The following MRPS31 variants were observed in gnomAD, a reference collection of about 807,000 sequenced individuals.
MRPS31 encodes the protein mitochondrial ribosomal protein S31.
MRPS31 carries 32 observed loss-of-function variants against 43.1 expected under a neutral mutation model. The observed-to-expected ratio is 0.74, with a 90% CI of 0.56 to 1.00. MRPS31 has a LOEUF of 1.00. MRPS31 is among the 50% of genes least tolerant of loss of function. The pLI is 0.00. For synonymous variants in MRPS31, 165 were observed against 161.6 expected (o/e 1.02, Z -0.16); for missense variants, 437 against 466.7 (o/e 0.94, Z 0.59).
chr13:40,733,171 T>G (rs1879758922), intron 6 of MRPS31, among the ~76,000 whole-genome samples: 1 of 151,952 alleles, frequency 6.6e-6, no homozygotes, highest in South Asian at 2.1e-4. Flanking sequence ...GCCCAGCTAA[T>G]TTTTGTATTT....
At chr13:40,750,539 TTAA>T (rs1427839821) in intron 5 of MRPS31, among the ~76,000 whole-genome samples, 1 of 152,044 alleles carries the variant, frequency 6.6e-6, no homozygotes, top group East Asian at 1.9e-4. Flanking sequence ...AAATTACAAC[TTAA>T]TAAAGTTGTA....
intron 6 of MRPS31, 143 bp downstream of exon 6, chr13:40,748,995 C>A: frequency 1.4e-6 from 1 of 735,714 alleles, no homozygotes; most frequent in South Asian, 3.0e-5. Context: ...TTTAAAAAAC[C>A]TTGTCAGATT....
Position 40,732,142 on chromosome 13 carries a change from T to C in MRPS31, c.959-2541A>G, listed in dbSNP as rs117544120. On this transcript the variant is annotated intron_variant, in intron 6 of 6. Coordinates refer to ENST00000323563, the MANE Select transcript of MRPS31 (RefSeq NM_005830.4). ...AGGCCTGTAGCCTCAAGTCAAGCGG[T>C]TGGAAGATTTCTCATTGGAGAAACT... Among the ~76,000 whole-genome samples the C allele has an allele frequency of 7.1e-3, 1,080 of 152,314 alleles. 74 individuals carry two copies. In the East Asian group the frequency reaches 0.17, roughly 23 times the overall value.
chr13:40,758,863 T>G (rs764150755), intron 3 of MRPS31, 85 bp downstream of exon 3: 3 of 1,212,554 alleles, frequency 2.5e-6, no homozygotes, highest in Non-Finnish European at 3.2e-6. Flanking sequence ...ACGTGGTATA[T>G]ATTATGTGTA....
chr13:40,751,682 G>A (rs1449469548), intron 5 of MRPS31, among the ~76,000 whole-genome samples: 1 of 152,124 alleles, frequency 6.6e-6, no homozygotes, highest in Non-Finnish European at 1.5e-5. Flanking sequence ...TCAGGTGGTG[G>A]GAAAACAACA....
chr13:40,756,790 A>G, intron 4 of MRPS31, 83 bp downstream of exon 4: 1 of 1,442,486 alleles, frequency 6.9e-7, no homozygotes, highest in African/African-American at 1.4e-5. Flanking sequence ...GCAATAATAC[A>G]CACACACACA....
intron 1 of MRPS31, among the ~76,000 whole-genome samples, chr13:40,769,421 T>TATAG (rs10684050): frequency 1.4e-4 from 17 of 120,152 alleles, no homozygotes; most frequent in African/African-American, 3.1e-4. Flanking sequence ...TATATATATA[T>TATAG]TATCAAGTTC....
At chr13:40,744,040 G>A (rs1346047108) in intron 6 of MRPS31, among the ~76,000 whole-genome samples, 1 of 152,142 alleles carries the variant, frequency 6.6e-6, no homozygotes, top group Non-Finnish European at 1.5e-5. Context: ...TGAGGTCATG[G>A]CCTTTGCTGC....
rs1158695136 is a variant in MRPS31 at position 40,729,547 on chromosome 13, A to C, written c.1013T>G (p.Leu338Arg). The change falls in exon 7 of 7, where the codon CTG becomes CGG. Residue 338 changes from leucine to arginine, a missense_variant. Transcript: ENST00000323563. ...TGGTCCTTGTTTTGGAAAGCTCTCC[A>C]GGTGTTTCTCCAGAAATATATGTTC... ...FHEHIFLEKH[L>R]ESFPKQGPIR... 1 of 1,613,994 alleles carries C rather than the reference A, an allele frequency of 6.2e-7. No individual in the cohort carries two copies. The highest frequency in any genetic ancestry group is 1.3e-5 in the African/African-American group (1 of 74,928).
chr13:40,734,917 G>A (rs1429569148), intron 6 of MRPS31, among the ~76,000 whole-genome samples: 1 of 152,116 alleles, frequency 6.6e-6, no homozygotes, highest in South Asian at 2.1e-4. Flanking sequence ...AATAACGCTA[G>A]GCGGGGGAGG....
rs567348340 is a variant in MRPS31, at chr13:40,737,826, G to C, written c.959-8225C>G. 2.7e-3 allele frequency among the ~76,000 whole-genome samples: 405 copies of C among 151,850 alleles called. 3 individuals carry two copies. Among genetic ancestry groups the C allele is most frequent in the African/African-American group, 8.7e-3 (358 of 41,358 alleles). Reference sequence around the variant, plus strand: ...AATTTATAGCACTAAATGCCCACAAGAGAAAGCAGGAAAGATCCAAAATTG... The same window carrying C: ...AATTTATAGCACTAAATGCCCACAACAGAAAGCAGGAAAGATCCAAAATTG... On this transcript the variant is annotated intron_variant, in intron 6 of 6. Transcript: ENST00000323563.
intron 6 of MRPS31, among the ~76,000 whole-genome samples, chr13:40,735,741 T>A (rs1879881456): frequency 6.6e-6 from 1 of 150,824 alleles, no homozygotes; most frequent in Non-Finnish European, 1.5e-5. Flanking sequence ...GAAGGAAAAC[T>A]AACAAACAGA....
At chr13:40,749,063 A>T in intron 6 of MRPS31, 75 bp downstream of exon 6, 1 of 1,444,052 alleles carries the variant, frequency 6.9e-7, no homozygotes, top group Non-Finnish European at 9.3e-7. Context: ...GTAAGTATCT[A>T]TACTCTAAAA....
chr13:40,767,915 G>T (rs370875804), intron 1 of MRPS31, among the ~76,000 whole-genome samples: 6 of 152,026 alleles, frequency 3.9e-5, no homozygotes, highest in Admixed American at 3.3e-4. Context: ...CATTGTCATC[G>T]AGCTACATGC....
intron 6 of MRPS31, among the ~76,000 whole-genome samples, chr13:40,742,964 T>C (rs923336798): frequency 6.6e-6 from 1 of 152,126 alleles, no homozygotes; most frequent in African/African-American, 2.4e-5. Flanking sequence ...CAAGAAGATC[T>C]AGGAAATACC....
chr13:40,752,576 C>T (rs1430999219), intron 5 of MRPS31, among the ~76,000 whole-genome samples: 1 of 152,132 alleles, frequency 6.6e-6, no homozygotes, highest in Non-Finnish European at 1.5e-5. Flanking sequence ...ACACCTAGTT[C>T]CTATGATCTG....
intron 1 of MRPS31, among the ~76,000 whole-genome samples, chr13:40,770,064 C>T (rs1301961938): frequency 6.6e-6 from 1 of 152,198 alleles, no homozygotes; most frequent in Non-Finnish European, 1.5e-5. Flanking sequence ...TCAAGCCTGG[C>T]TCCGCATTCT....
intron 6 of MRPS31, among the ~76,000 whole-genome samples, chr13:40,734,095 C>T (rs1254660326): frequency 6.6e-6 from 1 of 151,960 alleles, no homozygotes; most frequent in Non-Finnish European, 1.5e-5. Context: ...TGCCAATGCA[C>T]TACAGCCTGG....
intron 6 of MRPS31, among the ~76,000 whole-genome samples, chr13:40,741,954 G>A (rs2002265415): frequency 1.4e-5 from 2 of 147,406 alleles, no homozygotes; most frequent in Non-Finnish European, 3.0e-5. Flanking sequence ...ATATATGTAT[G>A]GTATGCTCCC....
Sources: allele counts gnomAD v4.1 joint callset (sites outside exome capture counted in the v4.1 genomes callset), GRCh38; gene constraint gnomAD v4.1.1; transcripts MANE v1.5; gene names NCBI Gene and HGNC (gene_info 2026-07-23, HGNC 2026-07-21).